Variants in CPPED1 observed in about 807,000 individuals in gnomAD.
The protein encoded by CPPED1 is calcineurin like phosphoesterase domain containing 1, also known as serine/threonine-protein phosphatase CPPED1.
CPPED1 carries 28 observed loss-of-function variants against 28.0 expected under a neutral mutation model. That is an observed-to-expected ratio of 1.00 (90% CI 0.74 to 1.37). The LOEUF (loss-of-function observed/expected upper bound fraction) is 1.37, where lower values mean the gene tolerates loss of function less well. Among genes scored for constraint, CPPED1 ranks in the 40% most tolerant of loss-of-function variants. The pLI, the probability that CPPED1 is intolerant of heterozygous loss-of-function variation, is 0.00. For synonymous variants in CPPED1, 198 were observed against 180.2 expected (o/e 1.10, Z -0.79); for missense variants, 504 against 416.5 (o/e 1.21, Z -1.83).
chr16:12,755,535 A>T (rs2080360693), intron 2 of CPPED1, among the ~76,000 whole-genome samples: 1 of 152,034 alleles, frequency 6.6e-6, no homozygotes, highest in Non-Finnish European at 1.5e-5. Context: ...CTCCCACCTC[A>T]GCCTCTCAAC....
At chr16:12,738,484 G>A (rs1473103101) in intron 2 of CPPED1, among the ~76,000 whole-genome samples, 1 of 152,036 alleles carries the variant, frequency 6.6e-6, no homozygotes, top group Non-Finnish European at 1.5e-5. Context: ...ATGTTGCAGA[G>A]ATGAAATGTC....
At chr16:12,767,292 C>A (rs1331063981) in intron 2 of CPPED1, among the ~76,000 whole-genome samples, 1 of 152,210 alleles carries the variant, frequency 6.6e-6, no homozygotes, top group Admixed American at 6.5e-5. Flanking sequence ...TCAGCTCAAA[C>A]AGGAGGCAAA....
At chr16:12,741,519 T>C (rs1236169656) in intron 2 of CPPED1, among the ~76,000 whole-genome samples, 1 of 152,304 alleles carries the variant, frequency 6.6e-6, no homozygotes, top group East Asian at 1.9e-4. Flanking sequence ...AGGAATTAGA[T>C]GGACACCATT....
intron 1 of CPPED1, among the ~76,000 whole-genome samples, chr16:12,787,397 TTTTC>T (rs1328164110): frequency 4.2e-5 from 4 of 96,124 alleles, no homozygotes; most frequent in Admixed American, 1.4e-4. Flanking sequence ...CAGAATGAAT[TTTTC>T]TTTCTTTTTT....
rs1178847961 is a variant in CPPED1, at chr16:12,704,620, C to T, written c.715+4G>A. 3 of 1,604,682 alleles carry T rather than the reference C, an allele frequency of 1.9e-6. No homozygotes were observed. Among genetic ancestry groups the T allele is most frequent in the Non-Finnish European group, 2.6e-6 (3 of 1,173,964 alleles). ...CCCTGAAACCCGTGGCCCGGGGCCT[C>T]TACCTGCGTGGATGAACTTGTCTGC... On this transcript the variant is annotated splice_donor_region_variant and intron_variant, in intron 3 of 3. Transcript: ENST00000381774.
chr16:12,726,056 T>C (rs1412210576), intron 2 of CPPED1, among the ~76,000 whole-genome samples: 1 of 152,108 alleles, frequency 6.6e-6, no homozygotes, highest in East Asian at 1.9e-4. Context: ...CATTTTTTTT[T>C]TATGAGATGA....
At chr16:12,692,277 G>A (rs139519617) in intron 3 of CPPED1, among the ~76,000 whole-genome samples, 200 of 152,110 alleles carry the variant, frequency 1.3e-3, no homozygotes, top group Middle Eastern at 6.8e-3. Flanking sequence ...ATTTGTCCCC[G>A]GTGTGGTGAA....
chr16:12,725,432 G>C (rs1450776982), intron 2 of CPPED1, among the ~76,000 whole-genome samples: 3 of 152,172 alleles, frequency 2.0e-5, no homozygotes, highest in African/African-American at 7.2e-5. Context: ...GAAGGGACTT[G>C]TAAGTGAAGA....
chr16:12,766,251 A>G (rs2080437346), intron 2 of CPPED1, among the ~76,000 whole-genome samples: 1 of 137,306 alleles, frequency 7.3e-6, no homozygotes, highest in Non-Finnish European at 1.5e-5. Flanking sequence ...AAATATATAT[A>G]TATATAGAGA....
chr16:12,665,104 C>A lies in CPPED1; in HGVS notation c.727G>T (p.Val243Leu). 6.3e-7 allele frequency: 1 copy of A among 1,597,058 alleles called. No homozygotes were observed. Among genetic ancestry groups the A allele is most frequent in the Non-Finnish European group, 8.5e-7 (1 of 1,175,038 alleles). Residue 243 changes from valine to leucine, a missense_variant, in exon 4 of 4, where the codon GTG (valine) becomes TTG (leucine). By Grantham distance (32) the Val-to-Leu change is conservative (BLOSUM62 1). Transcript: ENST00000381774. ...DKFIHAGVKV[V>L]FSGHYHRNAG... ...TTCCTGTGGTAGTGGCCTGAGAACACGACTTTGACACCTGCAGAGAAGGGA... is the reference window on the plus strand; with the variant it reads ...TTCCTGTGGTAGTGGCCTGAGAACAAGACTTTGACACCTGCAGAGAAGGGA...
intron 1 of CPPED1, among the ~76,000 whole-genome samples, chr16:12,787,603 C>T (rs2080571984): frequency 6.6e-6 from 1 of 151,676 alleles, no homozygotes; most frequent in African/African-American, 2.4e-5. Flanking sequence ...GATGGGGTTT[C>T]ACTATGTTGG....
intron 2 of CPPED1, among the ~76,000 whole-genome samples, chr16:12,761,832 A>G (rs141247555): frequency 0.016 from 2,400 of 152,226 alleles, 72 homozygotes; most frequent in African/African-American, 0.055. Context: ...CCAACATGGC[A>G]AAACCTTACC....
intron 2 of CPPED1, among the ~76,000 whole-genome samples, chr16:12,722,752 CAT>C (rs2080148243): frequency 6.6e-6 from 1 of 152,128 alleles, no homozygotes; most frequent in Non-Finnish European, 1.5e-5. Flanking sequence ...TTCCCACCAG[CAT>C]AGTTTCCTCA....
chr16:12,679,179 C>T (rs1274395300), intron 3 of CPPED1, among the ~76,000 whole-genome samples: 1 of 152,226 alleles, frequency 6.6e-6, no homozygotes, highest in African/African-American at 2.4e-5. Context: ...TGAGTAACTG[C>T]TATCCTCCCC....
intron 1 of CPPED1, among the ~76,000 whole-genome samples, chr16:12,799,503 C>G (rs1056164335): frequency 2.0e-5 from 3 of 152,178 alleles, no homozygotes; most frequent in Non-Finnish European, 4.4e-5. Flanking sequence ...GCCTCGGCCT[C>G]CCAAAGTGCA....
intron 2 of CPPED1, among the ~76,000 whole-genome samples, chr16:12,780,332 C>T (rs754221091): frequency 8.5e-5 from 13 of 152,160 alleles, no homozygotes; most frequent in African/African-American, 2.9e-4. Flanking sequence ...TGCACCACCA[C>T]GTCTGGCTAA....
chr16:12,706,918 A>C (rs2080054548), intron 2 of CPPED1, among the ~76,000 whole-genome samples: 1 of 152,148 alleles, frequency 6.6e-6, no homozygotes, highest in Non-Finnish European at 1.5e-5. Flanking sequence ...AGGGAGCCTT[A>C]GGGAGAAGCA....
Position 12,660,120 on chromosome 16 carries a change from CAG to C in CPPED1, c.*4764_*4765del, listed in dbSNP as rs1291678975. On this transcript the variant is annotated 3_prime_UTR_variant, in exon 4 of 4. Coordinates refer to ENST00000381774, the MANE Select transcript of CPPED1 (RefSeq NM_018340.3). ...AGCCAAACCAATTTGGGTGGAGACACAGAGCCAAACCATATCAAGCAGGAAGG... is the reference window on the plus strand; with the variant it reads ...AGCCAAACCAATTTGGGTGGAGACACAGCCAAACCATATCAAGCAGGAAGG... 1 of 152,156 alleles carries C rather than the reference CAG, an allele frequency of 6.6e-6. No individual in the cohort carries two copies. The highest frequency in any genetic ancestry group is 2.4e-5 in the African/African-American group (1 of 41,440). The allele number at this position is 152,156 out of a possible 1,614,324, so 9.4% of individuals were successfully genotyped here. A position where few individuals can be genotyped will look rare whatever the true frequency, so the allele number is the denominator to read the frequency against.
Position 12,763,163 on chromosome 16 carries a change from C to G in CPPED1, c.289+18022G>C, listed in dbSNP as rs535634293. On this transcript the variant is annotated intron_variant, in intron 2 of 3. Coordinates refer to ENST00000381774, the MANE Select transcript of CPPED1 (RefSeq NM_018340.3). Reference sequence around the variant, plus strand: ...AGGAGAATTGCTTAAACCTGGGAGGCGGAGGGTGCAGTGAGCCGAGATGGT... The same window carrying G: ...AGGAGAATTGCTTAAACCTGGGAGGGGGAGGGTGCAGTGAGCCGAGATGGT... Among the ~76,000 whole-genome samples the G allele has an allele frequency of 2.7e-5, 4 of 150,088 alleles. No individual in the cohort carries two copies. In the South Asian group the frequency reaches 6.4e-4, roughly 24 times the overall value.
Sources: gnomAD v4.1 joint callset for allele counts (sites outside exome capture counted in the v4.1 genomes callset) on GRCh38, gnomAD v4.1.1 for gene constraint, MANE v1.5 for transcripts, NCBI Gene and HGNC (gene_info 2026-07-23, HGNC 2026-07-21) for gene names.